The following KAZN variants were observed in gnomAD, a reference collection of about 807,000 sequenced individuals.
KAZN encodes the protein kazrin, periplakin interacting protein, also known as kazrin.
KAZN carries 40 observed loss-of-function variants against 87.4 expected under a neutral mutation model. That is an observed-to-expected ratio of 0.46 (90% confidence interval 0.36 to 0.60). KAZN has a LOEUF of 0.60. Ranked by LOEUF, KAZN falls within the 20% of genes least tolerant of loss-of-function variation. The pLI is 0.00. For synonymous variants in KAZN, 466 were observed against 458.3 expected (o/e 1.02, Z -0.22); for missense variants, 898 against 1,073.9 (o/e 0.84, Z 2.29).
At chr1:13,936,910 A>T (rs1405521504) in intron 1 of KAZN, among the ~76,000 whole-genome samples, 6 of 152,168 alleles carry the variant, frequency 3.9e-5, no homozygotes, top group African/African-American at 1.4e-4. Flanking sequence ...ACTGTGCAAG[A>T]TGGTATCTCA....
chr1:13,992,764 T>G (rs1215054805), intron 1 of KAZN, among the ~76,000 whole-genome samples: 2 of 152,054 alleles, frequency 1.3e-5, no homozygotes, highest in African/African-American at 4.8e-5. Context: ...GGGTGGACAA[T>G]GTGGTCATCC....
chr1:14,982,578 C>T (rs866116912), intron 2 of KAZN, among the ~76,000 whole-genome samples: 4 of 152,154 alleles, frequency 2.6e-5, no homozygotes, highest in Middle Eastern at 6.8e-3. Context: ...TACAGGCATG[C>T]GCCACCACGC....
At chr1:14,819,003 C>T (rs142126815) in intron 1 of KAZN, among the ~76,000 whole-genome samples, 2,552 of 152,226 alleles carry the variant, frequency 0.017, 42 homozygotes, top group Middle Eastern at 0.048. Flanking sequence ...CGCAGTGAGC[C>T]GAGATCGTGC....
intron 1 of KAZN, among the ~76,000 whole-genome samples, chr1:14,838,106 T>A (rs1647485933): frequency 6.6e-6 from 1 of 152,146 alleles, no homozygotes. Flanking sequence ...GCTGCCTTCT[T>A]CCAAGATGGC....
intron 1 of KAZN, among the ~76,000 whole-genome samples, chr1:14,891,786 G>A (rs536235132): frequency 6.6e-6 from 1 of 151,678 alleles, no homozygotes; most frequent in Non-Finnish European, 1.5e-5. Context: ...TTTTTTCTTT[G>A]TACTTTCTCC....
intron 2 of KAZN, among the ~76,000 whole-genome samples, chr1:14,976,181 T>A (rs1279831344): frequency 2.0e-5 from 3 of 152,202 alleles, no homozygotes; most frequent in African/African-American, 7.2e-5. Context: ...TTCATTCATT[T>A]ATTTGAGACA....
chr1:15,012,347 C>G (rs1557714962), intron 2 of KAZN, among the ~76,000 whole-genome samples: 1 of 152,120 alleles, frequency 6.6e-6, no homozygotes. Flanking sequence ...TCCACAGGCT[C>G]CAGACCTCAG....
intron 1 of KAZN, among the ~76,000 whole-genome samples, chr1:14,645,374 C>A (rs1167968411): frequency 6.6e-6 from 1 of 152,182 alleles, no homozygotes; most frequent in Non-Finnish European, 1.5e-5. Flanking sequence ...AGCATTGAAT[C>A]TGTAAATTGC....
At chr1:13,934,606 G>T (rs1190961563) in intron 1 of KAZN, among the ~76,000 whole-genome samples, 1 of 152,172 alleles carries the variant, frequency 6.6e-6, no homozygotes, top group Admixed American at 6.5e-5. Context: ...TCACTGGTCT[G>T]TCCAGATAGA....
At chr1:15,112,664 G>C (rs552029383) in intron 14 of KAZN, 123 bp downstream of exon 14, 3 of 655,716 alleles carry the variant, frequency 4.6e-6, no homozygotes, top group Non-Finnish European at 8.2e-6. Context: ...GCCGGGTCAC[G>C]GGGGCATCCA....
intron 1 of KAZN, among the ~76,000 whole-genome samples, chr1:14,824,127 A>G (rs1432691789): frequency 6.6e-6 from 1 of 151,966 alleles, no homozygotes; most frequent in East Asian, 1.9e-4. Context: ...AAAAAAAAAA[A>G]AAAAGGTTAA....
At chr1:14,493,762 T>C (rs1461665800) in intron 2 of KAZN, among the ~76,000 whole-genome samples, 1 of 152,258 alleles carries the variant, frequency 6.6e-6, no homozygotes, top group Non-Finnish European at 1.5e-5. Flanking sequence ...TTCTGCATTC[T>C]GGGAGAGCTT....
chr1:14,000,525 A>AACATGG (rs1400512141), intron 1 of KAZN, among the ~76,000 whole-genome samples: 5 of 152,182 alleles, frequency 3.3e-5, no homozygotes, highest in Non-Finnish European at 1.5e-5. Context: ...AACTCTCAAT[A>AACATGG]AACTAGGCAT....
At chr1:15,065,515 A>T in intron 7 of KAZN, 115 bp from the exon 8 acceptor site, 2 of 912,812 alleles carry the variant, frequency 2.2e-6, no homozygotes, top group Non-Finnish European at 3.4e-6. Context: ...CCACTGGCTT[A>T]AAGCTCAGAG....
intron 1 of KAZN, among the ~76,000 whole-genome samples, chr1:14,124,801 C>A (rs1226590704): frequency 6.6e-6 from 1 of 152,172 alleles, no homozygotes; most frequent in Non-Finnish European, 1.5e-5. Flanking sequence ...GTGCACAGAG[C>A]ACCTGCTCTG....
chr1:14,037,120 T>C (rs1641593201), intron 1 of KAZN, among the ~76,000 whole-genome samples: 1 of 152,140 alleles, frequency 6.6e-6, no homozygotes, highest in Non-Finnish European at 1.5e-5. Flanking sequence ...AAAAATGGGA[T>C]CACATAGGGT....
chr1:13,900,139 C>T (rs75709376), intron 1 of KAZN, among the ~76,000 whole-genome samples: 3,740 of 148,070 alleles, frequency 0.025, 129 homozygotes, highest in East Asian at 0.12. Context: ...AAGACTAATT[C>T]TTCTTGATAG....
rs114668414 is a variant in KAZN, at chr1:14,820,999, G to A, written c.227-139685G>A. Among the ~76,000 whole-genome samples the A allele has an allele frequency of 3.1e-3, 478 of 152,266 alleles. 3 individuals carry two copies. Among genetic ancestry groups the A allele is most frequent in the African/African-American group, 0.011 (458 of 41,544 alleles). ...ATGGATTGTCGGGAGAAACGGGAGC[G>A]TGTGAGGAATTGAAAAGGAGGCAAC... On this transcript the variant is annotated intron_variant, in intron 1 of 14. Transcript: ENST00000376030. The surrounding 1 kb of genome is among the most constrained non-coding windows in gnomAD (Gnocchi z 4.1).
intron 1 of KAZN, among the ~76,000 whole-genome samples, chr1:14,848,518 A>G (rs1424431213): frequency 6.6e-6 from 1 of 152,186 alleles, no homozygotes; most frequent in African/African-American, 2.4e-5. Flanking sequence ...AACCAAAGAC[A>G]ACTCCTTGTC....
Sources: allele counts gnomAD v4.1 joint callset (sites outside exome capture counted in the v4.1 genomes callset), GRCh38; gene constraint gnomAD v4.1.1; non-coding constraint Gnocchi (gnomAD v3.1); transcripts MANE v1.5; gene names NCBI Gene and HGNC (gene_info 2026-07-23, HGNC 2026-07-21).